The following LRRTM4 variants were observed in gnomAD, a reference collection of about 807,000 sequenced individuals.
LRRTM4 encodes the protein leucine-rich repeat transmembrane neuronal protein 4.
In LRRTM4, 25 loss-of-function variants were observed where a neutral mutation model predicts 47.6. That is an observed-to-expected ratio of 0.53 (90% CI 0.38 to 0.73). The LOEUF (loss-of-function observed/expected upper bound fraction) is 0.73. LRRTM4 is among the 30% of genes least tolerant of loss of function. The pLI, the probability that LRRTM4 is intolerant of heterozygous loss-of-function variation, is 0.00. For missense variants in LRRTM4, 638 were observed against 713.4 expected (o/e 0.89, Z 1.20); for synonymous variants, 311 against 269.5 (o/e 1.15, Z -1.51).
At chr2:77,260,445 G>A (rs1309067439) in intron 3 of LRRTM4, among the ~76,000 whole-genome samples, 1 of 150,660 alleles carries the variant, frequency 6.6e-6, no homozygotes, top group East Asian at 2.0e-4. Flanking sequence ...TCAACGAACA[G>A]TTGTGATTTA....
At chr2:77,114,858 ACG>A (rs1490924283) in intron 3 of LRRTM4, among the ~76,000 whole-genome samples, 2 of 152,190 alleles carry the variant, frequency 1.3e-5, no homozygotes, top group African/African-American at 4.8e-5. Context: ...AATAAAGATC[ACG>A]AGGCAAGGCA....
At chr2:77,004,239 C>T (rs959991649) in intron 3 of LRRTM4, among the ~76,000 whole-genome samples, 7 of 152,142 alleles carry the variant, frequency 4.6e-5, no homozygotes, top group African/African-American at 1.7e-4. Context: ...TCCCCAACCC[C>T]CATCATAAGC....
chr2:77,360,380 C>T (rs1266135553), intron 3 of LRRTM4, among the ~76,000 whole-genome samples: 1 of 152,060 alleles, frequency 6.6e-6, no homozygotes, highest in African/African-American at 2.4e-5. Flanking sequence ...TGGCGTGAAC[C>T]CAGGAGGCGG....
chr2:77,107,333 G>C (rs1572968847), intron 3 of LRRTM4, among the ~76,000 whole-genome samples: 1 of 152,104 alleles, frequency 6.6e-6, no homozygotes, highest in East Asian at 1.9e-4. Flanking sequence ...ATTAAATCAT[G>C]TATAGGTGTT....
chr2:77,391,576 G>A (rs759125586), intron 3 of LRRTM4, among the ~76,000 whole-genome samples: 9 of 151,850 alleles, frequency 5.9e-5, no homozygotes, highest in Non-Finnish European at 1.3e-4. Flanking sequence ...TATTTACCTC[G>A]TATGCCAAGA....
intron 3 of LRRTM4, among the ~76,000 whole-genome samples, chr2:77,110,711 AT>A: frequency 6.6e-6 from 1 of 152,188 alleles, no homozygotes; most frequent in Non-Finnish European, 1.5e-5. Context: ...TAATTTTACT[AT>A]AAAAATACAT....
intron 3 of LRRTM4, among the ~76,000 whole-genome samples, chr2:76,860,682 A>G (rs1182712014): frequency 6.6e-6 from 1 of 152,098 alleles, no homozygotes; most frequent in Non-Finnish European, 1.5e-5. Flanking sequence ...AATTCTGTAA[A>G]AGAGAAACCA....
rs936594770 is a variant in LRRTM4 at position 76,898,222 on chromosome 2, G to C, written c.1552-149306C>G. 2.6e-5 allele frequency among the ~76,000 whole-genome samples: 4 copies of C among 152,082 alleles called. No individual in the cohort carries two copies. The South Asian group carries it at 8.3e-4, about 32-fold the overall frequency. On this transcript the variant is annotated intron_variant, in intron 3 of 3. Transcript: ENST00000409884. ...TGTACTTGCTTTTAAATTCATGAGA[G>C]TGCTTTGACAAATTACTTCTTTTCT...
intron 3 of LRRTM4, among the ~76,000 whole-genome samples, chr2:77,182,269 C>A: frequency 6.6e-6 from 1 of 152,092 alleles, no homozygotes; most frequent in Non-Finnish European, 1.5e-5. Context: ...GTGTCCTTTA[C>A]AGGGAAATGG....
chr2:77,280,324 G>A lies in LRRTM4; in HGVS notation c.1551+237994C>T, dbSNP rs188364823. Among the ~76,000 whole-genome samples the A allele has an allele frequency of 3.4e-3, 516 of 152,072 alleles. 1 individual carries two copies. Among genetic ancestry groups the A allele is most frequent in the Non-Finnish European group, 4.8e-3 (326 of 67,962 alleles). Reference sequence around the variant, plus strand: ...ACTCACAACTTGATTTTAGCCTAGTGGGATCTGAGTTTGACTTCAAAACTA... The same window carrying A: ...ACTCACAACTTGATTTTAGCCTAGTAGGATCTGAGTTTGACTTCAAAACTA... On this transcript the variant is annotated intron_variant, in intron 3 of 3. Coordinates refer to ENST00000409884, the MANE Select transcript of LRRTM4 (RefSeq NM_001134745.3).
chr2:77,052,598 G>T (rs1401918226), intron 3 of LRRTM4, among the ~76,000 whole-genome samples: 2 of 151,868 alleles, frequency 1.3e-5, no homozygotes, highest in Non-Finnish European at 2.9e-5. Flanking sequence ...TGATCTGAAG[G>T]AAGAAGTCAT....
At chr2:76,796,228 CCAGGCTGGGG>C (rs755666723) in intron 3 of LRRTM4, among the ~76,000 whole-genome samples, 32,718 of 132,142 alleles carry the variant, frequency 0.25, 6,587 homozygotes, top group East Asian at 0.49. Flanking sequence ...AAGGCGGCAG[CCAGGCTGGGG>C]GAGGGGTGCC....
chr2:77,324,465 C>T (rs1005425897), intron 3 of LRRTM4, among the ~76,000 whole-genome samples: 12 of 152,084 alleles, frequency 7.9e-5, no homozygotes, highest in Non-Finnish European at 4.4e-5. Context: ...TAAGGATCCC[C>T]TGAAGATGTG....
At chr2:77,348,390 T>A in intron 3 of LRRTM4, among the ~76,000 whole-genome samples, 1 of 151,280 alleles carries the variant, frequency 6.6e-6, no homozygotes, top group East Asian at 1.9e-4. Context: ...CCATTATATT[T>A]GTTGAAAATG....
intron 3 of LRRTM4, among the ~76,000 whole-genome samples, chr2:77,436,102 T>C (rs1390389008): frequency 6.6e-6 from 1 of 152,142 alleles, no homozygotes; most frequent in African/African-American, 2.4e-5. Flanking sequence ...GAGTAGAGTG[T>C]TGTAAGAAAA....
At chr2:77,051,015 A>T (rs1260972443) in intron 3 of LRRTM4, among the ~76,000 whole-genome samples, 3 of 149,088 alleles carry the variant, frequency 2.0e-5, no homozygotes, top group Non-Finnish European at 3.0e-5. Context: ...TACTTAAAAC[A>T]TTTTTTTTTT....
At chr2:77,303,689 G>A (rs748802919) in intron 3 of LRRTM4, among the ~76,000 whole-genome samples, 3 of 152,164 alleles carry the variant, frequency 2.0e-5, no homozygotes, top group Non-Finnish European at 4.4e-5. Flanking sequence ...GATTTCACAT[G>A]TAAGTGAGGT....
chr2:76,953,409 T>C (rs961160799), intron 3 of LRRTM4, among the ~76,000 whole-genome samples: 14 of 151,942 alleles, frequency 9.2e-5, no homozygotes, highest in African/African-American at 3.4e-4. Context: ...AAAATGCTAT[T>C]TTATTTCAAA....
At chr2:76,773,071 G>C (rs1339012585) in intron 3 of LRRTM4, 1 of 152,142 alleles carries the variant, frequency 6.6e-6, no homozygotes, top group Non-Finnish European at 1.5e-5. Context: ...GAGTACTATT[G>C]TGTGCCTTTT....
Sources: allele counts gnomAD v4.1 joint callset (sites outside exome capture counted in the v4.1 genomes callset), GRCh38; gene constraint gnomAD v4.1.1; transcripts MANE v1.5; gene names NCBI Gene and HGNC (gene_info 2026-07-23, HGNC 2026-07-21).